The following KLF12 variants were observed in gnomAD, a reference collection of about 807,000 sequenced individuals.
KLF12 encodes KLF transcription factor 12, also known as Krueppel-like factor 12.
A neutral mutation model predicts 37.8 loss-of-function variants in KLF12; 9 were observed. That is an observed-to-expected ratio of 0.24 (90% CI 0.14 to 0.42). The LOEUF is 0.42. KLF12 is among the 10% of genes least tolerant of loss of function. The pLI is 1.00. For missense variants in KLF12, 411 were observed against 516.0 expected (o/e 0.80, Z 1.97); for synonymous variants, 208 against 202.1 (o/e 1.03, Z -0.25).
At chr13:74,021,491 G>C (rs1377518775) in intron 1 of KLF12, among the ~76,000 whole-genome samples, 3 of 152,074 alleles carry the variant, frequency 2.0e-5, no homozygotes, top group Non-Finnish European at 4.4e-5. Flanking sequence ...TGTGGAAGGG[G>C]GAACAGGGAA....
chr13:74,003,536 C>T (rs1392084950), intron 1 of KLF12, among the ~76,000 whole-genome samples: 3 of 152,240 alleles, frequency 2.0e-5, no homozygotes, highest in South Asian at 2.1e-4. Flanking sequence ...GTGTATCTGT[C>T]TTACAATGCA....
the KLF12 span, among the ~76,000 whole-genome samples, chr13:74,249,002 G>T: frequency 6.6e-6 from 1 of 152,068 alleles, no homozygotes. Context: ...CTAGAGGAGT[G>T]AATTGGAAAG....
At chr13:74,290,562 A>G in the KLF12 span, among the ~76,000 whole-genome samples, 2 of 152,320 alleles carry the variant, frequency 1.3e-5, no homozygotes, top group Admixed American at 6.5e-5. Flanking sequence ...GGAACCGCCA[A>G]TGAGACTGTA....
chr13:73,929,745 G>A (rs1033634549), intron 3 of KLF12, among the ~76,000 whole-genome samples: 2 of 152,128 alleles, frequency 1.3e-5, no homozygotes, highest in African/African-American at 2.4e-5. Flanking sequence ...CTGCCACAAC[G>A]CCGTTAAGTC....
At chr13:73,969,649 C>T (rs10507820) in intron 2 of KLF12, among the ~76,000 whole-genome samples, 49,362 of 152,054 alleles carry the variant, frequency 0.32, 8,263 homozygotes, top group Middle Eastern at 0.46. Flanking sequence ...ATTAAGAACT[C>T]CTCAGGGATG....
At chr13:74,092,154 G>C (rs999625122) in intron 1 of KLF12, among the ~76,000 whole-genome samples, 1 of 151,766 alleles carries the variant, frequency 6.6e-6, no homozygotes, top group Non-Finnish European at 1.5e-5. Context: ...AAAATTAGCT[G>C]GGTGTGGTGG....
intron 2 of KLF12, among the ~76,000 whole-genome samples, chr13:73,990,597 G>A (rs539474304): frequency 6.6e-6 from 1 of 152,278 alleles, no homozygotes; most frequent in Admixed American, 6.5e-5. Flanking sequence ...GAAAAAGGGA[G>A]TCAGGAAGAA....
chr13:74,057,103 G>A (rs75012440), intron 1 of KLF12, among the ~76,000 whole-genome samples: 24,289 of 152,006 alleles, frequency 0.16, 2,247 homozygotes, highest in African/African-American at 0.24. Flanking sequence ...TCCTGAAGAG[G>A]CACTTTTAAA....
At chr13:73,703,752 G>A (rs904241755) in intron 7 of KLF12, among the ~76,000 whole-genome samples, 7 of 152,124 alleles carry the variant, frequency 4.6e-5, no homozygotes, top group South Asian at 2.1e-4. Context: ...ACCCAGTGTC[G>A]TCACCCAGTT....
At chr13:73,976,259 C>A (rs901924566) in intron 2 of KLF12, among the ~76,000 whole-genome samples, 2 of 152,004 alleles carry the variant, frequency 1.3e-5, no homozygotes, top group African/African-American at 4.8e-5. Context: ...TCAATACACT[C>A]TTGAAAAATA....
At chr13:74,061,322 G>A (rs1873579766) in intron 1 of KLF12, among the ~76,000 whole-genome samples, 1 of 152,130 alleles carries the variant, frequency 6.6e-6, no homozygotes, top group African/African-American at 2.4e-5. Flanking sequence ...CAGATAGGTG[G>A]GTTCTGGAGC....
intron 5 of KLF12, among the ~76,000 whole-genome samples, chr13:73,777,121 T>G (rs1880654883): frequency 6.6e-6 from 1 of 152,064 alleles, no homozygotes; most frequent in Admixed American, 6.6e-5. Flanking sequence ...GAGAGAAAAA[T>G]TCCTTCCAGT....
At chr13:74,297,191 T>G in the KLF12 span, among the ~76,000 whole-genome samples, 1 of 152,184 alleles carries the variant, frequency 6.6e-6, no homozygotes, top group Non-Finnish European at 1.5e-5. Context: ...TATGCCAGAC[T>G]ATTCAGAAAC....
chr13:74,090,474 T>A (rs780142567), intron 1 of KLF12, among the ~76,000 whole-genome samples: 1 of 152,134 alleles, frequency 6.6e-6, no homozygotes, highest in Non-Finnish European at 1.5e-5. Context: ...TTCAATGTAA[T>A]CCCTACCAGA....
At chr13:74,040,648 C>A (rs1893376409) in intron 1 of KLF12, among the ~76,000 whole-genome samples, 1 of 152,226 alleles carries the variant, frequency 6.6e-6, no homozygotes, top group Non-Finnish European at 1.5e-5. Context: ...ATGCATTACA[C>A]AGGAAAGCTG....
intron 1 of KLF12, among the ~76,000 whole-genome samples, chr13:74,009,951 G>A (rs1566502911): frequency 6.6e-6 from 1 of 152,060 alleles, no homozygotes; most frequent in East Asian, 1.9e-4. Flanking sequence ...ACTTTTATTT[G>A]CTTTTACTTT....
intron 4 of KLF12, among the ~76,000 whole-genome samples, chr13:73,843,529 G>A (rs916231451): frequency 3.3e-5 from 5 of 151,946 alleles, no homozygotes; most frequent in African/African-American, 7.3e-5. Context: ...GGCTGGTCTC[G>A]AACTCCTGAT....
the KLF12 span, among the ~76,000 whole-genome samples, chr13:74,221,599 A>C: frequency 5.0e-3 from 767 of 152,228 alleles, 7 homozygotes; most frequent in African/African-American, 0.018. Flanking sequence ...ACATATTTCT[A>C]TTACTCTATT....
At chr13:74,293,008 G>A in the KLF12 span, among the ~76,000 whole-genome samples, 1 of 152,160 alleles carries the variant, frequency 6.6e-6, no homozygotes, top group African/African-American at 2.4e-5. Flanking sequence ...AAGTTCTTTA[G>A]GACAGGGGTA....
Sources: allele counts gnomAD v4.1 joint callset (sites outside exome capture counted in the v4.1 genomes callset), GRCh38; gene constraint gnomAD v4.1.1; transcripts MANE v1.5; gene names NCBI Gene and HGNC (gene_info 2026-07-23, HGNC 2026-07-21).